Variants in MYLK observed in about 807,000 individuals in gnomAD.
The protein encoded by MYLK is myosin light chain kinase, also known as myosin light chain kinase, smooth muscle.
In MYLK, 106 loss-of-function variants were observed where a neutral mutation model predicts 203.4. The observed-to-expected ratio is 0.52, with a 90% CI of 0.45 to 0.61. The LOEUF is 0.61. Among genes scored for constraint, MYLK ranks in the 20% least tolerant of loss-of-function variants. The pLI is 0.00. For missense variants in MYLK, 2,072 were observed against 2,442.3 expected (o/e 0.85, Z 3.20); for synonymous variants, 867 against 959.5 (o/e 0.90, Z 1.78).
At chr3:123,617,090 T>C (rs2057541558) in intron 33 of MYLK, 1 of 152,218 alleles carries the variant, frequency 6.6e-6, no homozygotes, top group Admixed American at 6.5e-5. Flanking sequence ...GGTCATAAAG[T>C]ACCCTCCACT....
intron 19 of MYLK, among the ~76,000 whole-genome samples, chr3:123,685,763 G>A (rs1057391920): frequency 3.3e-5 from 5 of 151,828 alleles, no homozygotes; most frequent in African/African-American, 7.3e-5. Context: ...CTCTGCCTCC[G>A]TCCTCGGCCC....
intron 3 of MYLK, among the ~76,000 whole-genome samples, chr3:123,804,284 G>A (rs2065294062): frequency 6.6e-6 from 1 of 152,148 alleles, no homozygotes; most frequent in Admixed American, 6.5e-5. Context: ...CTAGCAAGTG[G>A]GTTTGGGCAG....
rs968157617 is a variant in MYLK at position 123,629,541 on chromosome 3, C to T, written c.5047G>A (p.Glu1683Lys). The change falls in exon 30 of 34, where the codon GAG becomes AAG. Residue 1683 changes from glutamate (E) to lysine (K), a missense_variant. Glu to Lys is a moderately conservative substitution (Grantham distance 56, BLOSUM62 1). Coordinates refer to ENST00000360304, the MANE Select transcript of MYLK (RefSeq NM_053025.4). This position sits in a 1 kb window ranked among gnomAD's most constrained non-coding sequence, Gnocchi z 4.4. ...TCGTCGGAGATCTCATCGAATGCCTCGTCGTCGAAGTCCCAGGTGGCTGAG... is the reference window on the plus strand; with the variant it reads ...TCGTCGGAGATCTCATCGAATGCCTTGTCGTCGAAGTCCCAGGTGGCTGAG... ...VTSATWDFDD[E>K]AFDEISDDAK... The T allele has an allele frequency of 6.2e-7, 1 of 1,614,194 alleles. No individual in the cohort carries two copies. Among genetic ancestry groups the T allele is most frequent in the Non-Finnish European group, 8.5e-7 (1 of 1,180,038 alleles).
In MYLK at chr3:123,613,948, A is replaced by T; in HGVS notation, c.*157T>A. On this transcript the variant is annotated 3_prime_UTR_variant, in exon 34 of 34. Transcript: ENST00000360304. ...ATGCCCATCAATAACGCTGCTAGGT[A>T]TCAACTGCTGTTTCTGAAGAATCAA... 1.2e-6 allele frequency: 1 copy of T among 837,316 alleles called. No individual in the cohort carries two copies. Among genetic ancestry groups the T allele is most frequent in the Non-Finnish European group, 1.9e-6 (1 of 517,848 alleles). The allele number at this position is 837,316 out of a possible 1,614,324, so 51.9% of individuals were successfully genotyped here.
At chr3:123,663,972 G>A (rs2059651243) in intron 23 of MYLK, 133 bp downstream of exon 23, 1 of 1,303,872 alleles carries the variant, frequency 7.7e-7, no homozygotes, top group Admixed American at 1.7e-5. Context: ...TTCTTTCTGT[G>A]GTGCCTTATA....
chr3:123,779,887 T>TGTAGAGGG lies in MYLK; in HGVS notation c.165+13782_165+13789dup, dbSNP rs2064227253. Among the ~76,000 whole-genome samples, 8 of 152,312 alleles carry TGTAGAGGG rather than the reference T, an allele frequency of 5.3e-5. No homozygotes were observed. In the South Asian group the frequency reaches 1.7e-3, roughly 32 times the overall value. ...TGCCAGCACTCAAGGTTGATGTGCATGTAGAGGGTGTGGGAAGTGCAGATT... is the reference window on the plus strand; with the variant it reads ...TGCCAGCACTCAAGGTTGATGTGCATGTAGAGGGGTAGAGGGTGTGGGAAGTGCAGATT... On this transcript the variant is annotated intron_variant, in intron 4 of 33. Coordinates refer to ENST00000360304, the MANE Select transcript of MYLK (RefSeq NM_053025.4).
chr3:123,748,898 A>G (rs1405868202), intron 5 of MYLK, among the ~76,000 whole-genome samples: 2 of 152,090 alleles, frequency 1.3e-5, no homozygotes, highest in Non-Finnish European at 2.9e-5. Context: ...GTGAGGCCCC[A>G]TCTCTACTAA....
chr3:123,794,129 C>A (rs1051548672), intron 3 of MYLK, among the ~76,000 whole-genome samples: 5 of 152,236 alleles, frequency 3.3e-5, no homozygotes, highest in Non-Finnish European at 7.3e-5. Flanking sequence ...TTTTCACTGA[C>A]CCCTTCTTCT....
At chr3:123,816,770 G>T (rs967140392) in intron 3 of MYLK, among the ~76,000 whole-genome samples, 2 of 152,208 alleles carry the variant, frequency 1.3e-5, no homozygotes, top group Non-Finnish European at 2.9e-5. Flanking sequence ...AGGCTGAGTT[G>T]GGGGGAGCAG....
intron 3 of MYLK, among the ~76,000 whole-genome samples, chr3:123,823,851 C>T (rs1393355852): frequency 6.6e-6 from 1 of 152,186 alleles, no homozygotes; most frequent in East Asian, 1.9e-4. Flanking sequence ...GCCTGCTTTG[C>T]TGTTCCTCCA....
At chr3:123,874,910 A>G (rs901392776) in intron 2 of MYLK, among the ~76,000 whole-genome samples, 2 of 152,188 alleles carry the variant, frequency 1.3e-5, no homozygotes, top group Non-Finnish European at 2.9e-5. Context: ...CACTAAGGAA[A>G]TTCAAATTAA....
intron 9 of MYLK, 29 bp from the exon 10 acceptor site, chr3:123,734,251 T>TTGGGGG: frequency 1.2e-4 from 53 of 448,312 alleles, no homozygotes; most frequent in East Asian, 1.9e-4. Context: ...GGGGGTAGGG[T>TTGGGGG]GGGTGAGGAG....
At chr3:123,781,470 T>C (rs974246731) in intron 4 of MYLK, among the ~76,000 whole-genome samples, 1 of 152,216 alleles carries the variant, frequency 6.6e-6, no homozygotes, top group Non-Finnish European at 1.5e-5. Context: ...CATTTCATTC[T>C]GCATATCTTT....
intron 4 of MYLK, among the ~76,000 whole-genome samples, chr3:123,780,410 G>T (rs148348064): frequency 0.061 from 9,241 of 152,152 alleles, 918 homozygotes; most frequent in African/African-American, 0.21. Flanking sequence ...CTCCAGCCTG[G>T]GCAACAGAGC....
rs1036570073 is a variant in MYLK, at chr3:123,642,293, T to C, written c.4620-1789A>G. Reference sequence around the variant, plus strand: ...AGTTTCCTTATCTATCCCTGCCTCATAGAGTTTTTAGGAATGTAGGAGGCT... The same window carrying C: ...AGTTTCCTTATCTATCCCTGCCTCACAGAGTTTTTAGGAATGTAGGAGGCT... On this transcript the variant is annotated intron_variant, in intron 27 of 33. Transcript: ENST00000360304. The surrounding 1 kb of genome is among the most constrained non-coding windows in gnomAD (Gnocchi z 4.2). Among the ~76,000 whole-genome samples, 1 of 152,216 alleles carries C rather than the reference T, an allele frequency of 6.6e-6. No homozygotes were observed. Among genetic ancestry groups the C allele is most frequent in the Admixed American group, 6.5e-5 (1 of 15,276 alleles).
intron 11 of MYLK, among the ~76,000 whole-genome samples, chr3:123,730,651 C>T (rs1179092566): frequency 1.3e-5 from 2 of 152,288 alleles, no homozygotes; most frequent in South Asian, 4.1e-4. Context: ...AGAAGCCAGA[C>T]ACAAAAGGCC....
chr3:123,689,315 G>T (rs150710976), intron 19 of MYLK, among the ~76,000 whole-genome samples: 1 of 152,100 alleles, frequency 6.6e-6, no homozygotes, highest in Non-Finnish European at 1.5e-5. Flanking sequence ...CATCTGGGTT[G>T]GAATGAGAGG....
intron 3 of MYLK, among the ~76,000 whole-genome samples, chr3:123,827,736 TATATATATATATAA>T: frequency 1.1e-5 from 1 of 94,106 alleles, no homozygotes; most frequent in African/African-American, 4.4e-5. Flanking sequence ...TATATATATA[TATATATATATATAA>T]AGACTCTACC....
chr3:123,809,774 C>CT (rs1474761475), intron 3 of MYLK, among the ~76,000 whole-genome samples: 4 of 152,182 alleles, frequency 2.6e-5, no homozygotes, highest in Non-Finnish European at 2.9e-5. Context: ...TAGTGATGAG[C>CT]TAAGCCTTGT....
Sources: allele counts gnomAD v4.1 joint callset (sites outside exome capture counted in the v4.1 genomes callset), GRCh38; gene constraint gnomAD v4.1.1; non-coding constraint Gnocchi (gnomAD v3.1); transcripts MANE v1.5; gene names NCBI Gene and HGNC (gene_info 2026-07-23, HGNC 2026-07-21).